Variants in CDH17 observed in about 807,000 individuals in gnomAD.
CDH17 encodes cadherin 17, also known as cadherin-17.
A neutral mutation model predicts 86.3 loss-of-function variants in CDH17; 67 were observed. That is an observed-to-expected ratio of 0.78 (90% CI 0.64 to 0.95). The LOEUF (loss-of-function observed/expected upper bound fraction) is 0.95, where lower values mean the gene tolerates loss of function less well. Among genes scored for constraint, CDH17 ranks in the 40% least tolerant of loss-of-function variants. The pLI, the probability that CDH17 is intolerant of heterozygous loss-of-function variation, is 0.00. For synonymous variants in CDH17, 367 were observed against 366.4 expected, an observed-to-expected ratio of 1.00 and a Z score of -0.02; for missense variants, 993 against 1,017.6, an observed-to-expected ratio of 0.98 and a Z score of 0.33.
rs116893467 is a variant in CDH17, at chr8:94,214,269, A to T, written c.-21+2929T>A. ...GGGGTCAAGTAGGAGACCAGCATGC[A>T]TGTGAGCTTTGCTTGGAAGGACTCA... On this transcript the variant is annotated intron_variant, in intron 1 of 17. Coordinates refer to the CDH17 transcript ENST00000450165. 2.9e-3 allele frequency among the ~76,000 whole-genome samples: 442 copies of T among 152,254 alleles called. 1 individual carries two copies. Among genetic ancestry groups the T allele is most frequent in the Non-Finnish European group, 4.5e-3 (307 of 68,024 alleles).
intron 3 of CDH17, among the ~76,000 whole-genome samples, chr8:94,184,324 A>T (rs1436890916): frequency 6.6e-6 from 1 of 152,214 alleles, no homozygotes. Flanking sequence ...ATGAAAAAAA[A>T]TGTCCATCAA....
rs769623737 is a variant in CDH17 at position 94,148,726 on chromosome 8, T to G, written c.1927+18A>C. ...ATCTGTGTTCCTTTTTTTTTGTTTT[T>G]TTTTTTTTTTTGCTTACCTACTTCT... is the stretch of plus-strand genomic sequence containing the variant. On this transcript the variant is annotated intron_variant, in intron 14 of 17. Transcript: ENST00000027335. The G allele has an allele frequency of 2.9e-5, 41 of 1,418,628 alleles. No individual in the cohort carries two copies. The highest frequency in any genetic ancestry group is 3.5e-5 in the Non-Finnish European group (38 of 1,091,634). The allele number at this position is 1,418,628 out of a possible 1,614,324, so 87.9% of individuals were successfully genotyped here. A position where few individuals can be genotyped will look rare whatever the true frequency, so the allele number is the denominator to read the frequency against.
Position 94,148,724 on chromosome 8 carries a change from T to TTC in CDH17, c.1927+19_1927+20insGA. ...TAATCTGTGTTCCTTTTTTTTTGTTTTTTTTTTTTTTTTGCTTACCTACTT... is the reference window on the plus strand; with the variant it reads ...TAATCTGTGTTCCTTTTTTTTTGTTTTCTTTTTTTTTTTTTGCTTACCTACTT... On this transcript the variant is annotated intron_variant, in intron 14 of 17. Transcript: ENST00000027335. The TTC allele has an allele frequency of 2.4e-6, 3 of 1,269,928 alleles. No homozygotes were observed. The highest frequency in any genetic ancestry group is 3.1e-6 in the Non-Finnish European group (3 of 975,774). 78.7% of individuals were successfully genotyped at this position (1,269,928 alleles called of 1,614,324 possible). A position where few individuals can be genotyped will look rare whatever the true frequency, so the allele number is the denominator to read the frequency against.
Position 94,130,626 on chromosome 8 carries a change from C to CA in CDH17, c.2397dup (p.Gly800TrpfsTer15), listed in dbSNP as rs760490043. 6.3e-7 allele frequency: 1 copy of CA among 1,592,142 alleles called. No homozygotes were observed. On this transcript the variant is annotated frameshift_variant and splice_region_variant, in exon 17 of 18. Transcript: ENST00000027335. LOFTEE classifies it high-confidence loss of function. ...CTTTGAATTAAGAAATTACACTCAC[C>CA]AATCACCAGAAGGGTGGTCAGCAGT...
chr8:94,130,809 C>T (rs1427626005), intron 16 of CDH17, 67 bp downstream of exon 16: 11 of 1,502,434 alleles, frequency 7.3e-6, no homozygotes, highest in East Asian at 2.3e-5. Flanking sequence ...ATATCAAAGA[C>T]AAGAATCTCC....
At chr8:94,216,469 C>T (rs1182548485) in intron 1 of CDH17, among the ~76,000 whole-genome samples, 1 of 151,934 alleles carries the variant, frequency 6.6e-6, no homozygotes, top group African/African-American at 2.4e-5. Context: ...AGGACCCTCA[C>T]TTCCTTGCTG....
At chr8:94,151,754 T>C (rs943672877) in intron 13 of CDH17, 114 bp downstream of exon 13, 27 of 1,375,736 alleles carry the variant, frequency 2.0e-5, no homozygotes, top group Non-Finnish European at 2.6e-5. Flanking sequence ...AATTTCATCA[T>C]TGCTGGGTAT....
intron 1 of CDH17, among the ~76,000 whole-genome samples, chr8:94,207,663 C>A (rs755569539): frequency 1.1e-4 from 16 of 152,050 alleles, no homozygotes; most frequent in Non-Finnish European, 2.1e-4. Context: ...AAAATAAAGA[C>A]AAGAAAATAT....
intron 12 of CDH17, among the ~76,000 whole-genome samples, chr8:94,153,765 G>A (rs575672849): frequency 6.6e-6 from 1 of 152,254 alleles, no homozygotes; most frequent in Non-Finnish European, 1.5e-5. Context: ...GATGAACCTA[G>A]AAGATATTAC....
chr8:94,137,645 C>A (rs890776786), intron 15 of CDH17, among the ~76,000 whole-genome samples: 10 of 152,032 alleles, frequency 6.6e-5, no homozygotes, highest in Non-Finnish European at 1.3e-4. Context: ...ACAATGAAAT[C>A]ACCAATGAAA....
At chr8:94,144,662 A>G (rs756636471) in intron 15 of CDH17, among the ~76,000 whole-genome samples, 1 of 151,970 alleles carries the variant, frequency 6.6e-6, no homozygotes, top group Non-Finnish European at 1.5e-5. Context: ...TGAATAAAAC[A>G]TGAAAAAAAT....
At chr8:94,156,789 A>T (rs1201632069) in intron 12 of CDH17, among the ~76,000 whole-genome samples, 1 of 152,226 alleles carries the variant, frequency 6.6e-6, no homozygotes, top group Non-Finnish European at 1.5e-5. Flanking sequence ...CCACGTGTTT[A>T]AGTCTGCAAG....
At chr8:94,169,906 C>T (rs1355159589) in intron 9 of CDH17, among the ~76,000 whole-genome samples, 1 of 152,106 alleles carries the variant, frequency 6.6e-6, no homozygotes, top group Non-Finnish European at 1.5e-5. Flanking sequence ...TTATCAGCTT[C>T]TTGGAAAGGG....
chr8:94,153,226 C>G (rs1399265319), intron 12 of CDH17, among the ~76,000 whole-genome samples: 1 of 152,056 alleles, frequency 6.6e-6, no homozygotes, highest in Non-Finnish European at 1.5e-5. Flanking sequence ...AGTCATTTCT[C>G]AAAAGAAGAC....
upstream of CDH17, among the ~76,000 whole-genome samples, chr8:94,210,327 T>G (rs1298902962): frequency 6.6e-6 from 1 of 151,220 alleles, no homozygotes. Flanking sequence ...GGGGTTCCTC[T>G]GTACATCACT....
chr8:94,216,395 C>T (rs2129686086), intron 1 of CDH17, among the ~76,000 whole-genome samples: 1 of 152,230 alleles, frequency 6.6e-6, no homozygotes, highest in African/African-American at 2.4e-5. Context: ...GACCATCTGG[C>T]TCTATCAATG....
chr8:94,199,818 G>A (rs1308424327), intron 1 of CDH17, among the ~76,000 whole-genome samples: 1 of 151,978 alleles, frequency 6.6e-6, no homozygotes, highest in African/African-American at 2.4e-5. Context: ...CTCCTCCACC[G>A]GCTGACTCGT....
intron 5 of CDH17, among the ~76,000 whole-genome samples, chr8:94,174,934 A>AT (rs1297135399): frequency 2.0e-5 from 3 of 152,148 alleles, no homozygotes; most frequent in Admixed American, 1.3e-4. Flanking sequence ...TGAATTAATA[A>AT]TTTTTTAAAA....
chr8:94,151,511 C>A (rs1027273779), intron 13 of CDH17, among the ~76,000 whole-genome samples: 2 of 152,170 alleles, frequency 1.3e-5, no homozygotes, highest in Non-Finnish European at 2.9e-5. Context: ...GGGCTGGAAC[C>A]CTTTCCTAAA....
Sources: allele counts gnomAD v4.1 joint callset (sites outside exome capture counted in the v4.1 genomes callset), GRCh38; gene constraint gnomAD v4.1.1; transcripts MANE v1.5; gene names NCBI Gene and HGNC (gene_info 2026-07-23, HGNC 2026-07-21).